The following DUSP3 variants were observed in gnomAD, a reference collection of about 807,000 sequenced individuals.
The protein encoded by DUSP3 is dual specificity phosphatase 3, also known as dual specificity protein phosphatase 3.
In DUSP3, 7 loss-of-function variants were observed where a neutral mutation model predicts 15.5. The observed-to-expected ratio is 0.45, with a 90% confidence interval of 0.26 to 0.85. DUSP3 has a LOEUF of 0.85. DUSP3 is among the 40% of genes least tolerant of loss of function. DUSP3 has a pLI of 0.18. For missense variants in DUSP3, 209 were observed against 251.7 expected, an observed-to-expected ratio of 0.83 and a Z score of 1.15; for synonymous variants, 86 against 104.2, an observed-to-expected ratio of 0.83 and a Z score of 1.07.
intron 2 of DUSP3, among the ~76,000 whole-genome samples, chr17:43,772,883 A>T (rs535794863): frequency 7.2e-4 from 109 of 152,288 alleles, no homozygotes; most frequent in African/African-American, 2.5e-3. Context: ...GCACACCTGG[A>T]CTGAGACAGG....
intron 2 of DUSP3, among the ~76,000 whole-genome samples, chr17:43,770,967 AGTGTGTGTGTGCGTGTATATATATGTGT>A (rs1567781431): frequency 6.8e-6 from 1 of 147,022 alleles, no homozygotes; most frequent in Non-Finnish European, 1.5e-5. Flanking sequence ...ATTTTAATAT[AGTGTGTGTGTGCGTGTATATATATGTGT>A]GTGTGTGTGT....
chr17:43,769,703 C>G lies in DUSP3; in HGVS notation c.464G>C (p.Arg155Thr), dbSNP rs775720255. ...GTTGGGGCCGATCTCACGGTTCTGC[C>G]TCACGATGCTCAGGGCAGACTTGAC... Reference protein sequence around the residue: ...MDVKSALSIVRQNREIGPNDG... With the variant: ...MDVKSALSIVTQNREIGPNDG... Residue 155 changes from arginine (R) to threonine (T), a missense_variant, in exon 3 of 3, where the codon AGG becomes ACG. Coordinates refer to ENST00000226004, the MANE Select transcript of DUSP3 (RefSeq NM_004090.4). 2.5e-6 allele frequency: 4 copies of G among 1,613,916 alleles called. No individual in the cohort carries two copies. The highest frequency in any genetic ancestry group is 2.2e-5 in the South Asian group (2 of 91,070).
Position 43,766,273 on chromosome 17 carries a change from C to A in DUSP3, c.*3336G>T, listed in dbSNP as rs1974241190. ...CCAGAAAAATTCACTCTTTCATAATCAAATTACCCTAAAATTTGGTGGCGT... is the reference window on the plus strand; with the variant it reads ...CCAGAAAAATTCACTCTTTCATAATAAAATTACCCTAAAATTTGGTGGCGT... On this transcript the variant is annotated 3_prime_UTR_variant, in exon 3 of 3. Coordinates refer to ENST00000226004, the MANE Select transcript of DUSP3 (RefSeq NM_004090.4). 1 of 152,018 alleles carries A rather than the reference C, an allele frequency of 6.6e-6. No homozygotes were observed. The highest frequency in any genetic ancestry group is 1.5e-5 in the Non-Finnish European group (1 of 68,026). 9.4% of individuals were successfully genotyped at this position (152,018 alleles called of 1,614,324 possible).
At chr17:43,771,302 G>T (rs1292929106) in intron 2 of DUSP3, among the ~76,000 whole-genome samples, 4 of 152,044 alleles carry the variant, frequency 2.6e-5, no homozygotes, top group Non-Finnish European at 5.9e-5. Context: ...GTTCAGTACA[G>T]ACATAACATC....
At position 43,766,248 on chromosome 17, in the gene DUSP3, C is replaced by T. The variant is rs1315842633; in HGVS notation, c.*3361G>A. On this transcript the variant is annotated 3_prime_UTR_variant, in exon 3 of 3. Transcript: ENST00000226004. ...AATTTGGTAGCTCTCCCTTTTCTGT[C>T]CAGAAAAATTCACTCTTTCATAATC... 1.3e-5 allele frequency: 2 copies of T among 152,252 alleles called. No homozygotes were observed. Among genetic ancestry groups the T allele is most frequent in the African/African-American group, 4.8e-5 (2 of 41,418 alleles). 9.4% of individuals were successfully genotyped at this position (152,252 alleles called of 1,614,324 possible). A position where few individuals can be genotyped will look rare whatever the true frequency, so the allele number is the denominator to read the frequency against.
At chr17:43,770,163 CAT>C (rs1232327300) in intron 2 of DUSP3, among the ~76,000 whole-genome samples, 2 of 152,214 alleles carry the variant, frequency 1.3e-5, no homozygotes. Context: ...CATTCACGAA[CAT>C]GGGCCAGAAT....
At position 43,766,439 on chromosome 17, in the gene DUSP3, G is replaced by T. The variant is rs539586936; in HGVS notation, c.*3170C>A. The T allele has an allele frequency of 1.4e-3, 206 of 151,568 alleles. No homozygotes were observed. The highest frequency in any genetic ancestry group is 1.7e-3 in the Non-Finnish European group (116 of 67,960). The allele number at this position is 151,568 out of a possible 1,614,324, so 9.4% of individuals were successfully genotyped here. ...TTCAGTGATTCCTGACACCAGTTCT[G>T]TGAAAAAGAAAATTTCCTGCGAGAA... On this transcript the variant is annotated 3_prime_UTR_variant, in exon 3 of 3. Coordinates refer to ENST00000226004, the MANE Select transcript of DUSP3 (RefSeq NM_004090.4).
At chr17:43,772,781 T>A (rs146407022) in intron 2 of DUSP3, among the ~76,000 whole-genome samples, 128 of 152,148 alleles carry the variant, frequency 8.4e-4, no homozygotes, top group African/African-American at 2.6e-3. Context: ...GCAGGCTTCA[T>A]GGAAGAGAGG....
chr17:43,773,217 G>T (rs1236049946), intron 2 of DUSP3, among the ~76,000 whole-genome samples: 1 of 152,220 alleles, frequency 6.6e-6, no homozygotes, highest in East Asian at 1.9e-4. Flanking sequence ...AAATCATTCA[G>T]ACAGTGAGCC....
At chr17:43,774,134 AAG>A (rs1974355053) in intron 2 of DUSP3, 4 of 289,966 alleles carry the variant, frequency 1.4e-5, no homozygotes, top group African/African-American at 2.5e-5. Context: ...AAAAAAAAAA[AAG>A]GAGAGAGAGA....
Position 43,768,366 on chromosome 17 carries a change from C to A in DUSP3, c.*1243G>T, listed in dbSNP as rs188515351. On this transcript the variant is annotated 3_prime_UTR_variant, in exon 3 of 3. Transcript: ENST00000226004. ...ATACACATGTGAGGGCTGGTGCATT[C>A]CAATATCATCCTTAGAAAGTCTTTT... is the stretch of plus-strand genomic sequence containing the variant. The A allele has an allele frequency of 1.3e-5, 2 of 152,288 alleles. No individual in the cohort carries two copies. Among genetic ancestry groups the A allele is most frequent in the East Asian group, 1.9e-4 (1 of 5,186 alleles). The allele number at this position is 152,288 out of a possible 1,614,324, so 9.4% of individuals were successfully genotyped here.
At chr17:43,771,860 A>C (rs1415979163) in intron 2 of DUSP3, among the ~76,000 whole-genome samples, 1 of 152,150 alleles carries the variant, frequency 6.6e-6, no homozygotes, top group Non-Finnish European at 1.5e-5. Context: ...AATACAAAAA[A>C]TTAGCTGGGC....
intron 2 of DUSP3, among the ~76,000 whole-genome samples, chr17:43,771,731 G>A (rs1446280849): frequency 2.6e-5 from 4 of 152,068 alleles, no homozygotes; most frequent in South Asian, 2.1e-4. Flanking sequence ...AGAAATGGCC[G>A]GACACGGTGG....
intron 1 of DUSP3, chr17:43,777,850 C>T (rs954807189): frequency 9.8e-6 from 2 of 204,378 alleles, no homozygotes; most frequent in African/African-American, 4.7e-5. Context: ...TAAAAAAAAT[C>T]TCTTACTGTC....
Position 43,769,721 on chromosome 17 carries a change from G to T in DUSP3, c.446C>A (p.Ser149Tyr), listed in dbSNP as rs1375259565. Residue 149 changes from serine to tyrosine, a missense_variant, in exon 3 of 3, where the codon TCT becomes TAT. Physicochemically the swap from Ser to Tyr is moderately radical, Grantham distance 144. Coordinates refer to ENST00000226004, the MANE Select transcript of DUSP3 (RefSeq NM_004090.4). ...GTTCTGCCTCACGATGCTCAGGGCA[G>T]ACTTGACGTCCATCTTCTGCCGCAT... ...LMMRQKMDVK[S>Y]ALSIVRQNRE... The T allele has an allele frequency of 1.9e-6, 3 of 1,613,962 alleles. No individual in the cohort carries two copies. The highest frequency in any genetic ancestry group is 2.5e-6 in the Non-Finnish European group (3 of 1,180,010).
intron 2 of DUSP3, among the ~76,000 whole-genome samples, chr17:43,772,525 A>C (rs1240983476): frequency 6.6e-6 from 1 of 152,128 alleles, no homozygotes; most frequent in East Asian, 1.9e-4. Context: ...CTCCCTCTTG[A>C]GTACCCTCAG....
intron 2 of DUSP3, among the ~76,000 whole-genome samples, chr17:43,773,546 C>G (rs766257370): frequency 2.0e-4 from 30 of 152,170 alleles, no homozygotes; most frequent in Non-Finnish European, 2.2e-4. Context: ...GCCAGGGGGG[C>G]TGTGGTTTGC....
intron 2 of DUSP3, among the ~76,000 whole-genome samples, chr17:43,771,030 G>A (rs62078609): frequency 5.5e-5 from 8 of 145,202 alleles, no homozygotes; most frequent in African/African-American, 7.6e-5. Flanking sequence ...GTATGTGTGT[G>A]TATATATATA....
At chr17:43,772,435 C>T (rs1360502086) in intron 2 of DUSP3, among the ~76,000 whole-genome samples, 1 of 152,128 alleles carries the variant, frequency 6.6e-6, no homozygotes, top group African/African-American at 2.4e-5. Context: ...GGAAAGGGGC[C>T]AGTTCAACCT....
Sources: allele counts gnomAD v4.1 joint callset (sites outside exome capture counted in the v4.1 genomes callset), GRCh38; gene constraint gnomAD v4.1.1; transcripts MANE v1.5; gene names NCBI Gene and HGNC (gene_info 2026-07-23, HGNC 2026-07-21).